Variants in DMBX1 observed in about 807,000 individuals in gnomAD.
DMBX1 encodes the protein diencephalon/mesencephalon homeobox 1.
In DMBX1, 7 loss-of-function variants were observed where a neutral mutation model predicts 30.4. The observed-to-expected ratio is 0.23, with a 90% CI of 0.13 to 0.43. The LOEUF (loss-of-function observed/expected upper bound fraction) is 0.43, where lower values mean the gene tolerates loss of function less well. Among genes scored for constraint, DMBX1 ranks in the 20% least tolerant of loss-of-function variants. DMBX1 has a pLI of 1.00. For missense variants in DMBX1, 460 were observed against 508.5 expected (o/e 0.90, Z 0.92); for synonymous variants, 222 against 214.2 (o/e 1.04, Z -0.32).
chr1:46,515,594 C>G lies in DMBX1; in HGVS notation c.*3100C>G, dbSNP rs371468114. The stretch of plus-strand genomic sequence containing the variant: ...GGGCTCTCAAGTTTAGGGCACCAGC[C>G]TTGGGTACTGAAAGCAGCTGGAGAG... On this transcript the variant is annotated 3_prime_UTR_variant, in exon 6 of 6. Coordinates refer to ENST00000360032, the MANE Select transcript of DMBX1 (RefSeq NM_172225.2). 2.0e-5 allele frequency among the ~76,000 whole-genome samples: 3 copies of G among 152,364 alleles called. No individual in the cohort carries two copies. Among genetic ancestry groups the G allele is most frequent in the East Asian group, 3.9e-4 (2 of 5,188 alleles).
rs772349460 is a variant in DMBX1 at position 46,512,118 on chromosome 1, C to T, written c.758C>T (p.Ser253Leu). 51 of 1,613,814 alleles carry T rather than the reference C, an allele frequency of 3.2e-5. No homozygotes were observed. The African/African-American group carries it at 3.2e-4, about 10-fold the overall frequency. Residue 253 changes from serine to leucine, a missense_variant, in exon 6 of 6, where the codon TCG becomes TTG. Physicochemically the swap from Ser to Leu is moderately radical, Grantham distance 145. This residue lies in a region of DMBX1 where 334 missense variants were observed against 345.1 expected (regional missense o/e 0.97). Transcript: ENST00000360032. The surrounding 1 kb of genome is among the most constrained non-coding windows in gnomAD (Gnocchi z 4.8). ...GLLGPSHSYS[S>L]SPLSLFRLQE... ...CTGGGCCCCTCCCACTCCTATTCCTCGTCCCCGCTGAGCCTCTTCCGTCTG... is the reference window on the plus strand; with the variant it reads ...CTGGGCCCCTCCCACTCCTATTCCTTGTCCCCGCTGAGCCTCTTCCGTCTG...
chr1:46,511,100 G>T lies in DMBX1; in HGVS notation c.499G>T (p.Gly167Cys). The T allele has an allele frequency of 6.2e-7, 1 of 1,614,070 alleles. No homozygotes were observed. The part of the protein sequence containing the change: ...LDTEQPPRLP[G>C]SDPPAELHLS... ...CACTGAGCAGCCCCCACGTCTGCCT[G>T]GCAGCGACCCCCCTGCTGAGCTTCA... Residue 167 changes from glycine (G) to cysteine (C), a missense_variant, in exon 5 of 6, where the codon GGC (glycine) becomes TGC (cysteine). Physicochemically the swap from Gly to Cys is radical, Grantham distance 159. Transcript: ENST00000360032.
At chr1:46,492,586 G>A (rs1408051173) in intron 2 of DMBX1, among the ~76,000 whole-genome samples, 1 of 152,152 alleles carries the variant, frequency 6.6e-6, no homozygotes, top group African/African-American at 2.4e-5. Flanking sequence ...AAAGGGAGAA[G>A]CAGACCCAGA....
chr1:46,508,361 A>G (rs1182049941), intron 3 of DMBX1, among the ~76,000 whole-genome samples: 1 of 152,228 alleles, frequency 6.6e-6, no homozygotes, highest in Non-Finnish European at 1.5e-5. Context: ...AAAAAGGCCA[A>G]CATGAGCAAA....
chr1:46,514,094 T>G lies in DMBX1; in HGVS notation c.*1600T>G, dbSNP rs1236886592. 1.3e-5 allele frequency: 2 copies of G among 152,086 alleles called. No homozygotes were observed. Among genetic ancestry groups the G allele is most frequent in the Admixed American group, 1.3e-4 (2 of 15,258 alleles). 9.4% of individuals were successfully genotyped at this position (152,086 alleles called of 1,614,324 possible). Reference sequence around the variant, plus strand: ...TGGGCGTGGTGGCACATGCCTGTAATCCCAGCTACTTGGGAGGCTGAGTTG... The same window carrying G: ...TGGGCGTGGTGGCACATGCCTGTAAGCCCAGCTACTTGGGAGGCTGAGTTG... On this transcript the variant is annotated 3_prime_UTR_variant, in exon 6 of 6. Transcript: ENST00000360032.
rs912589399 is a variant in DMBX1, at chr1:46,515,137, G to C, written c.*2643G>C. Among the ~76,000 whole-genome samples, 10 of 152,158 alleles carry C rather than the reference G, an allele frequency of 6.6e-5. No individual in the cohort carries two copies. The highest frequency in any genetic ancestry group is 1.9e-4 in the African/African-American group (8 of 41,418). On this transcript the variant is annotated 3_prime_UTR_variant, in exon 6 of 6. Coordinates refer to ENST00000360032, the MANE Select transcript of DMBX1 (RefSeq NM_172225.2). ...ATGGGGGCATCAGAGGAGAGACTTA[G>C]GCAGCGCTGTGGGAGGTTGGCAGAT...
intron 1 of DMBX1, among the ~76,000 whole-genome samples, chr1:46,490,423 G>A (rs1164365251): frequency 1.3e-5 from 2 of 152,234 alleles, no homozygotes; most frequent in Non-Finnish European, 2.9e-5. Flanking sequence ...AGTTTGGAAG[G>A]GGGCGGCGCG....
chr1:46,491,063 C>G lies in DMBX1; in HGVS notation c.-13+280C>G, dbSNP rs1665920175. Among the ~76,000 whole-genome samples the G allele has an allele frequency of 6.6e-6, 1 of 152,252 alleles. No individual in the cohort carries two copies. The highest frequency in any genetic ancestry group is 2.4e-5 in the African/African-American group (1 of 41,476). On this transcript the variant is annotated intron_variant, in intron 2 of 5. Coordinates refer to ENST00000360032, the MANE Select transcript of DMBX1 (RefSeq NM_172225.2). This position sits in a 1 kb window ranked among gnomAD's most constrained non-coding sequence, Gnocchi z 5.5. ...TGTGCAGGGTCCCGGGCACCACCGG[C>G]TGAACTTTCTGGCGGTCACAAATTC... is the stretch of plus-strand genomic sequence containing the variant.
intron 1 of DMBX1, among the ~76,000 whole-genome samples, 159 bp from the exon 2 acceptor site, chr1:46,490,485 G>A (rs1665909203): frequency 6.6e-6 from 1 of 152,170 alleles, no homozygotes. Flanking sequence ...GGGGAGTTGC[G>A]GAGCCCTGGG....
At chr1:46,502,385 C>A (rs1398217944) in intron 2 of DMBX1, among the ~76,000 whole-genome samples, 1 of 151,534 alleles carries the variant, frequency 6.6e-6, no homozygotes, top group Non-Finnish European at 1.5e-5. Context: ...CTTTTCCTCA[C>A]ATCTTATAAC....
At position 46,493,264 on chromosome 1, in the gene DMBX1, G is replaced by T. The variant is rs535811746; in HGVS notation, c.-13+2481G>T. Among the ~76,000 whole-genome samples the T allele has an allele frequency of 6.6e-6, 1 of 152,326 alleles. No individual in the cohort carries two copies. The highest frequency in any genetic ancestry group is 2.4e-5 in the African/African-American group (1 of 41,572). ...GCTGGGGTGGGTTGGTGAGCTTTCG[G>T]CAGGGTGTGTGTTCTGGTCTCCACA... On this transcript the variant is annotated intron_variant, in intron 2 of 5. Transcript: ENST00000360032. The surrounding 1 kb of genome is among the most constrained non-coding windows in gnomAD (Gnocchi z 4.1).
chr1:46,512,178 A>G lies in DMBX1; in HGVS notation c.818A>G (p.Asn273Ser), dbSNP rs758576876. 4.0e-5 allele frequency: 65 copies of G among 1,613,842 alleles called. 1 individual carries two copies. The South Asian group carries it at 6.4e-4, about 16-fold the overall frequency. Residue 273 changes from asparagine (N) to serine (S), a missense_variant, in exon 6 of 6, where the codon AAC becomes AGC. Transcript: ENST00000360032. The surrounding 1 kb of genome is among the most constrained non-coding windows in gnomAD (Gnocchi z 4.8). ...TTCCGCCAGCACATGGCGGCCACCA[A>G]CAACCTGGTGCACTACTCGTCCTTC... ...EQFRQHMAAT[N>S]NLVHYSSFEV...
chr1:46,512,832 T>G lies in DMBX1; in HGVS notation c.*338T>G. On this transcript the variant is annotated 3_prime_UTR_variant, in exon 6 of 6. Transcript: ENST00000360032. The surrounding 1 kb of genome is among the most constrained non-coding windows in gnomAD (Gnocchi z 4.8). The stretch of plus-strand genomic sequence containing the variant: ...TTCTCCCTATCCTTCTGCCCCCTAG[T>G]AAGTCTACGTGTGGAATGTGAGATA... 3.2e-6 allele frequency: 1 copy of G among 307,800 alleles called. No homozygotes were observed. Among genetic ancestry groups the G allele is most frequent in the Non-Finnish European group, 6.0e-6 (1 of 166,196 alleles). 19.1% of individuals were successfully genotyped at this position (307,800 alleles called of 1,614,324 possible). A position where few individuals can be genotyped will look rare whatever the true frequency, so the allele number is the denominator to read the frequency against.
At position 46,510,959 on chromosome 1, in the gene DMBX1, A is replaced by G; in HGVS notation, c.358A>G (p.Lys120Glu). The change falls in exon 5 of 6, where the codon AAG becomes GAG. Residue 120 changes from lysine to glutamate, a missense_variant. By Grantham distance (56) the Lys-to-Glu change is moderately conservative (BLOSUM62 1). Coordinates refer to ENST00000360032, the MANE Select transcript of DMBX1 (RefSeq NM_172225.2). This position sits in a 1 kb window ranked among gnomAD's most constrained non-coding sequence, Gnocchi z 4.1. ...GGTGTGGTTCAAGAACCGCCGGGCCAAGTTCCGGAAGAAGCAGCGTAGCCT... is the reference window on the plus strand; with the variant it reads ...GGTGTGGTTCAAGAACCGCCGGGCCGAGTTCCGGAAGAAGCAGCGTAGCCT... ...VQVWFKNRRA[K>E]FRKKQRSLQK... 1.2e-6 allele frequency: 2 copies of G among 1,608,702 alleles called. No homozygotes were observed. The highest frequency in any genetic ancestry group is 1.7e-6 in the Non-Finnish European group (2 of 1,176,864).
rs776246035 is a variant in DMBX1, at chr1:46,512,277, C to T, written c.917C>T (p.Pro306Leu). 2.9e-5 allele frequency: 46 copies of T among 1,613,410 alleles called. No individual in the cohort carries two copies. Among genetic ancestry groups the T allele is most frequent in the Admixed American group, 2.5e-4 (15 of 59,982 alleles). Residue 306 changes from proline to leucine, a missense_variant, in exon 6 of 6, where the codon CCG becomes CTG. This residue lies in a region of DMBX1 where 334 missense variants were observed against 345.1 expected (regional missense o/e 0.97). Coordinates refer to ENST00000360032, the MANE Select transcript of DMBX1 (RefSeq NM_172225.2). The surrounding 1 kb of genome is among the most constrained non-coding windows in gnomAD (Gnocchi z 4.8). ...AVPYLGVNMA[P>L]LGSLHCQSYY... The stretch of plus-strand genomic sequence containing the variant: ...CCCTACCTGGGCGTCAACATGGCCC[C>T]GCTGGGCTCACTGCACTGCCAGTCC...
intron 2 of DMBX1, among the ~76,000 whole-genome samples, chr1:46,505,040 C>G (rs1258969210): frequency 6.6e-6 from 1 of 151,380 alleles, no homozygotes; most frequent in Non-Finnish European, 1.5e-5. Context: ...CAAATCAAAA[C>G]CACAATGAGA....
Position 46,516,093 on chromosome 1 carries a change from G to A in DMBX1, c.*3599G>A, listed in dbSNP as rs183538325. Among the ~76,000 whole-genome samples, 81 of 152,310 alleles carry A rather than the reference G, an allele frequency of 5.3e-4. No homozygotes were observed. The highest frequency in any genetic ancestry group is 7.4e-4 in the Non-Finnish European group (50 of 68,022). On this transcript the variant is annotated 3_prime_UTR_variant, in exon 6 of 6. Transcript: ENST00000360032. The stretch of plus-strand genomic sequence containing the variant: ...TTAATTCACCCCTGCCTGTCCCCTC[G>A]CCTGCCCCCTGTGTAGTGCTGCATG...
rs1208633458 is a variant in DMBX1 at position 46,510,572 on chromosome 1, C to G, written c.251C>G (p.Thr84Ser). The change falls in exon 4 of 6, where the codon ACC becomes AGC. Residue 84 changes from threonine to serine, a missense_variant. Thr to Ser is a moderately conservative substitution (Grantham distance 58, BLOSUM62 1). This residue lies in a region of DMBX1 where 124 missense variants were observed against 144.0 expected (regional missense o/e 0.86). Transcript: ENST00000360032. This position sits in a 1 kb window ranked among gnomAD's most constrained non-coding sequence, Gnocchi z 4.1. Reference protein sequence around the residue: ...TAQQLEALEKTFQKTHYPDVV... With the variant: ...TAQQLEALEKSFQKTHYPDVV... ...CAGCAGCTCGAGGCCCTGGAAAAGA[C>G]CTTCCAGAAGACTCACTACCCAGAT... 4 of 1,614,180 alleles carry G rather than the reference C, an allele frequency of 2.5e-6. No individual in the cohort carries two copies. Among genetic ancestry groups the G allele is most frequent in the Non-Finnish European group, 2.5e-6 (3 of 1,180,028 alleles).
At position 46,511,094 on chromosome 1, in the gene DMBX1, C is replaced by G; in HGVS notation, c.493C>G (p.Leu165Val). The G allele has an allele frequency of 1.2e-6, 2 of 1,614,130 alleles. No individual in the cohort carries two copies. Among genetic ancestry groups the G allele is most frequent in the South Asian group, 1.1e-5 (1 of 91,086 alleles). ...TQLDTEQPPR[L>V]PGSDPPAELH... The stretch of plus-strand genomic sequence containing the variant: ...GCTGGACACTGAGCAGCCCCCACGT[C>G]TGCCTGGCAGCGACCCCCCTGCTGA... Residue 165 changes from leucine to valine, a missense_variant, in exon 5 of 6, where the codon CTG becomes GTG. This residue lies in a region of DMBX1 where 334 missense variants were observed against 345.1 expected (regional missense o/e 0.97). Transcript: ENST00000360032.
Sources: allele counts gnomAD v4.1 joint callset (sites outside exome capture counted in the v4.1 genomes callset), GRCh38; gene constraint gnomAD v4.1.1; regional missense constraint gnomAD v4.1.1; non-coding constraint Gnocchi (gnomAD v3.1); transcripts MANE v1.5; gene names NCBI Gene and HGNC (gene_info 2026-07-23, HGNC 2026-07-21).